Variants in MAST4 observed in about 807,000 individuals in gnomAD.
MAST4 encodes the protein microtubule associated serine/threonine kinase family member 4, also known as microtubule-associated serine/threonine-protein kinase 4.
In MAST4, 89 loss-of-function variants were observed where a neutral mutation model predicts 162.7. The ratio of observed to expected loss-of-function variants is 0.55; its 90% CI spans 0.46 to 0.65. The LOEUF (loss-of-function observed/expected upper bound fraction) is 0.65, where lower values mean the gene tolerates loss of function less well. Ranked by LOEUF, MAST4 falls within the 30% of genes least tolerant of loss-of-function variation. The pLI is 0.00. For missense variants in MAST4, 3,153 were observed against 3,374.0 expected, an observed-to-expected ratio of 0.93 and a Z score of 1.62; for synonymous variants, 1,479 against 1,361.1, an observed-to-expected ratio of 1.09 and a Z score of -1.91.
In MAST4 at chr5:67,164,561, T is replaced by A. The variant is rs758182323; in HGVS notation, c.5382T>A (p.Ser1794=). Residue 1794 remains serine (S), a synonymous_variant, in exon 29 of 29, where the codon TCT becomes TCA. Coordinates refer to ENST00000403625, the MANE Select transcript of MAST4 (RefSeq NM_001164664.2). This position sits in a 1 kb window ranked among gnomAD's most constrained non-coding sequence, Gnocchi z 5.3. The part of the protein sequence containing the change: ...SPSEYKLEGR[S]VSCLKPIEGT... Reference sequence around the variant, plus strand: ...CCGAGTATAAGCTGGAAGGTAGGTCTGTCTCATGCCTGAAGCCGATCGAGG... The same window carrying A: ...CCGAGTATAAGCTGGAAGGTAGGTCAGTCTCATGCCTGAAGCCGATCGAGG... 6 of 1,614,012 alleles carry A rather than the reference T, an allele frequency of 3.7e-6. No homozygotes were observed. In the Admixed American group the frequency reaches 1.0e-4, roughly 27 times the overall value.
chr5:67,168,147 G>T lies in MAST4; in HGVS notation c.*1096G>T, dbSNP rs1340219133. 6.6e-6 allele frequency: 1 copy of T among 152,184 alleles called. No homozygotes were observed. Among genetic ancestry groups the T allele is most frequent in the Admixed American group, 6.5e-5 (1 of 15,272 alleles). 9.4% of individuals were successfully genotyped at this position (152,184 alleles called of 1,614,324 possible). ...TTTTTGAGGAAAAGAACTGGGGGTG[G>T]ATTTTGGCATCGTAGCATATCGATT... On this transcript the variant is annotated 3_prime_UTR_variant, in exon 29 of 29. Transcript: ENST00000403625.
chr5:66,958,091 C>T (rs558579652), intron 4 of MAST4, among the ~76,000 whole-genome samples: 4 of 152,070 alleles, frequency 2.6e-5, no homozygotes, highest in East Asian at 1.9e-4. Flanking sequence ...GCTATTTTAC[C>T]GCAGTTTGGC....
At chr5:66,832,890 T>C (rs1453279917) in intron 3 of MAST4, among the ~76,000 whole-genome samples, 2 of 152,220 alleles carry the variant, frequency 1.3e-5, no homozygotes, top group Non-Finnish European at 2.9e-5. Context: ...GGACAGGAAG[T>C]ATCCAGATGG....
intron 3 of MAST4, among the ~76,000 whole-genome samples, chr5:66,789,483 G>A (rs1161758283): frequency 6.6e-6 from 1 of 152,056 alleles, no homozygotes; most frequent in East Asian, 1.9e-4. Context: ...CACAGTCTTT[G>A]TCTTTTATGA....
chr5:67,032,556 G>A (rs549899237), intron 4 of MAST4, among the ~76,000 whole-genome samples: 43 of 152,144 alleles, frequency 2.8e-4, no homozygotes, highest in Admixed American at 6.6e-4. Context: ...GGTTTTAAAC[G>A]CCATTTTTAT....
Position 66,596,959 on chromosome 5 carries a change from G to A in MAST4, c.304G>A (p.Gly102Arg). 7.0e-7 allele frequency: 1 copy of A among 1,427,278 alleles called. No homozygotes were observed. Among genetic ancestry groups the A allele is most frequent in the Non-Finnish European group, 9.1e-7 (1 of 1,094,564 alleles). 88.4% of individuals were successfully genotyped at this position (1,427,278 alleles called of 1,614,324 possible). A position where few individuals can be genotyped will look rare whatever the true frequency, so the allele number is the denominator to read the frequency against. ...VLALPPPLPGGAVPPAPRGSS... is the reference protein window; with the variant it reads ...VLALPPPLPGRAVPPAPRGSS... Reference sequence around the variant, plus strand: ...TGCGCTGCCGCCGCCGCTTCCCGGAGGAGCTGTGCCGCCCGCGCCCCGGGG... The same window carrying A: ...TGCGCTGCCGCCGCCGCTTCCCGGAAGAGCTGTGCCGCCCGCGCCCCGGGG... Residue 102 changes from glycine to arginine, a missense_variant, in exon 1 of 29, where the codon GGA becomes AGA. Physicochemically the swap from Gly to Arg is moderately radical, Grantham distance 125 (BLOSUM62 -2). Around this residue, in one of 7 missense-constraint regions of MAST4, gnomAD observed 327 missense variants for 336.5 expected, o/e 0.97. Coordinates refer to ENST00000403625, the MANE Select transcript of MAST4 (RefSeq NM_001164664.2).
chr5:66,641,977 T>C (rs1199556336), intron 1 of MAST4, among the ~76,000 whole-genome samples: 6 of 152,226 alleles, frequency 3.9e-5, no homozygotes, highest in African/African-American at 1.4e-4. Context: ...TATAGAAGTA[T>C]TTTAGCTAAT....
At chr5:66,940,868 G>A (rs1441225141) in intron 4 of MAST4, among the ~76,000 whole-genome samples, 1 of 152,122 alleles carries the variant, frequency 6.6e-6, no homozygotes, top group Non-Finnish European at 1.5e-5. Flanking sequence ...AACCCAACTT[G>A]GGAATCAGAA....
At chr5:67,078,913 T>TAAATATATATATATATA (rs1184932403) in intron 5 of MAST4, among the ~76,000 whole-genome samples, 1,255 of 62,738 alleles carry the variant, frequency 0.02, 57 homozygotes, top group South Asian at 0.031. Context: ...TTTATATAAA[T>TAAATATATATATATATA]ATATATATAT....
intron 4 of MAST4, among the ~76,000 whole-genome samples, chr5:66,922,829 A>T (rs1391197467): frequency 1.3e-5 from 2 of 152,196 alleles, no homozygotes; most frequent in Non-Finnish European, 2.9e-5. Context: ...ATTTTGTAAG[A>T]ATGAGTAGGA....
chr5:66,702,945 G>T (rs1198683637), intron 1 of MAST4, among the ~76,000 whole-genome samples: 2 of 152,212 alleles, frequency 1.3e-5, no homozygotes, highest in Non-Finnish European at 2.9e-5. Context: ...AGATGCCCTT[G>T]TAGGAGTTCA....
At chr5:67,093,478 AT>A (rs1006982351) in intron 6 of MAST4, among the ~76,000 whole-genome samples, 9 of 152,220 alleles carry the variant, frequency 5.9e-5, no homozygotes, top group African/African-American at 1.9e-4. Context: ...TGTCATGGTG[AT>A]GAAAATGCAG....
At chr5:66,989,661 G>A (rs776390961) in intron 4 of MAST4, among the ~76,000 whole-genome samples, 43 of 152,052 alleles carry the variant, frequency 2.8e-4, no homozygotes, top group Non-Finnish European at 6.3e-4. Context: ...ACAAACTTCA[G>A]GGAGTTTCCA....
intron 1 of MAST4, among the ~76,000 whole-genome samples, chr5:66,716,328 C>G (rs1414291823): frequency 1.4e-5 from 2 of 146,914 alleles, no homozygotes; most frequent in South Asian, 2.1e-4. Flanking sequence ...GATTTGATCT[C>G]TCTCTCTATG....
chr5:66,860,770 C>CAAAAAAAAAAAAAAAAAAAAAA (rs34973337), intron 3 of MAST4, among the ~76,000 whole-genome samples: 1 of 129,174 alleles, frequency 7.7e-6, no homozygotes. Context: ...AAAACAAAAC[C>CAAAAAAAAAAAAAAAAAAAAAA]AAAAAAAAAA....
At chr5:66,893,068 A>C (rs140106425) in intron 3 of MAST4, among the ~76,000 whole-genome samples, 1 of 152,360 alleles carries the variant, frequency 6.6e-6, no homozygotes, top group East Asian at 1.9e-4. Context: ...AAAGAAAGGA[A>C]TAAGGTAGCT....
At chr5:66,625,286 C>T (rs1301984432) in intron 1 of MAST4, among the ~76,000 whole-genome samples, 37 of 152,128 alleles carry the variant, frequency 2.4e-4, no homozygotes, top group Admixed American at 2.4e-3. Context: ...CATTCGGTTT[C>T]CTTCTGTGGT....
chr5:67,038,320 A>T (rs1023121853), intron 4 of MAST4, among the ~76,000 whole-genome samples: 1 of 148,912 alleles, frequency 6.7e-6, no homozygotes, highest in Non-Finnish European at 1.5e-5. Context: ...CCTCCCAGTT[A>T]TACAAAGTCA....
chr5:66,865,662 A>G (rs1760459137), intron 3 of MAST4, among the ~76,000 whole-genome samples: 2 of 152,248 alleles, frequency 1.3e-5, no homozygotes, highest in Non-Finnish European at 2.9e-5. Context: ...AACCTAAAGC[A>G]TTTATAATGA....
Sources: gnomAD v4.1 joint callset for allele counts (sites outside exome capture counted in the v4.1 genomes callset) on GRCh38, gnomAD v4.1.1 for gene constraint, gnomAD v4.1.1 regional missense constraint, Gnocchi (gnomAD v3.1) non-coding constraint, MANE v1.5 for transcripts, NCBI Gene and HGNC (gene_info 2026-07-23, HGNC 2026-07-21) for gene names.